NSRP1: variants seen among roughly 807,000 people sequenced by gnomAD.
The protein encoded by NSRP1 is nuclear speckle splicing regulatory protein 1, also known as coiled-coil domain containing 55.
A neutral mutation model predicts 54.7 loss-of-function variants in NSRP1; 24 were observed. The ratio of observed to expected loss-of-function variants is 0.44; its 90% CI spans 0.32 to 0.62. NSRP1 has a LOEUF of 0.62. NSRP1 is among the 20% of genes least tolerant of loss of function. The pLI is 0.06. For missense variants in NSRP1, 596 were observed against 651.2 expected, an observed-to-expected ratio of 0.92 and a Z score of 0.92; for synonymous variants, 210 against 213.8, an observed-to-expected ratio of 0.98 and a Z score of 0.15.
chr17:30,117,020 C>T, intron 1 of NSRP1, 157 bp downstream of exon 1: 1 of 951,818 alleles, frequency 1.1e-6, no homozygotes, highest in Admixed American at 2.0e-5. Context: ...ATAGATTCCC[C>T]TCCCCCGTAC....
chr17:30,148,218 A>AT (rs1205198436), intron 2 of NSRP1, among the ~76,000 whole-genome samples: 2 of 152,186 alleles, frequency 1.3e-5, no homozygotes, highest in East Asian at 3.8e-4. Context: ...GGTTTATTAG[A>AT]TTGATACATT....
intron 3 of NSRP1, among the ~76,000 whole-genome samples, chr17:30,177,580 CT>C (rs972854958): frequency 6.6e-6 from 1 of 152,030 alleles, no homozygotes; most frequent in African/African-American, 2.4e-5. Flanking sequence ...AAGGCAGAGA[CT>C]TTATGTTTAA....
At chr17:30,171,972 A>ACACACACACTCC (rs1169988659) in intron 2 of NSRP1, among the ~76,000 whole-genome samples, 1 of 46,588 alleles carries the variant, frequency 2.1e-5, no homozygotes, top group African/African-American at 6.2e-5. Flanking sequence ...ACACACACAC[A>ACACACACACTCC]CTCCCTCTCT....
intron 2 of NSRP1, 70 bp from the exon 3 acceptor site, chr17:30,172,472 A>G (rs1245471510): frequency 5.0e-6 from 6 of 1,206,398 alleles, no homozygotes; most frequent in Non-Finnish European, 7.0e-6. Context: ...TATTTTAGAT[A>G]GGGGACGCTC....
intron 2 of NSRP1, among the ~76,000 whole-genome samples, chr17:30,124,882 A>G (rs148753719): frequency 3.3e-5 from 5 of 152,316 alleles, no homozygotes; most frequent in African/African-American, 1.2e-4. Flanking sequence ...CTGAGAAGTA[A>G]ATTTATTGAG....
At chr17:30,119,450 A>T (rs1307347640) in intron 2 of NSRP1, among the ~76,000 whole-genome samples, 1 of 151,928 alleles carries the variant, frequency 6.6e-6, no homozygotes, top group Non-Finnish European at 1.5e-5. Context: ...ACCTCAGGTG[A>T]TCCACTTGCC....
At position 30,185,611 on chromosome 17, in the gene NSRP1, G is replaced by A. The variant is rs1905505891; in HGVS notation, c.1614G>A (p.Arg538=). 3 of 1,613,338 alleles carry A rather than the reference G, an allele frequency of 1.9e-6. No homozygotes were observed. Among genetic ancestry groups the A allele is most frequent in the Middle Eastern group, 1.7e-4 (1 of 6,060 alleles). Residue 538 remains arginine (R), a synonymous_variant, in exon 7 of 7, where the codon AGG becomes AGA. Coordinates refer to ENST00000247026, the MANE Select transcript of NSRP1 (RefSeq NM_032141.4). ...AAACTGTAATGTCAGCTAGAGACAGGTACTTGGCCAGGCAGATGGCGCGGG... is the reference window on the plus strand; with the variant it reads ...AAACTGTAATGTCAGCTAGAGACAGATACTTGGCCAGGCAGATGGCGCGGG... ...NEETVMSARD[R]YLARQMARVN...
At chr17:30,182,709 C>T (rs919845455) in intron 6 of NSRP1, among the ~76,000 whole-genome samples, 1 of 151,180 alleles carries the variant, frequency 6.6e-6, no homozygotes, top group Non-Finnish European at 1.5e-5. Flanking sequence ...CCAAGGCGGG[C>T]GGATTGCGAG....
chr17:30,147,470 T>G (rs2071867052), intron 2 of NSRP1, among the ~76,000 whole-genome samples: 1 of 150,324 alleles, frequency 6.7e-6, no homozygotes, highest in African/African-American at 2.5e-5. Context: ...GTTTGTTTTG[T>G]TTTGTTTTGT....
chr17:30,119,983 T>C (rs868184929), intron 2 of NSRP1, among the ~76,000 whole-genome samples: 2 of 152,214 alleles, frequency 1.3e-5, no homozygotes, highest in African/African-American at 4.8e-5. Flanking sequence ...CAAATGTATA[T>C]GCCCCAATCA....
At chr17:30,136,948 T>G (rs1487881378) in intron 2 of NSRP1, among the ~76,000 whole-genome samples, 1 of 152,184 alleles carries the variant, frequency 6.6e-6, no homozygotes, top group Non-Finnish European at 1.5e-5. Flanking sequence ...CTTGCTAAAC[T>G]CTTCTATTAC....
intron 2 of NSRP1, among the ~76,000 whole-genome samples, chr17:30,123,545 A>G (rs2071623141): frequency 6.6e-6 from 1 of 152,188 alleles, no homozygotes; most frequent in Non-Finnish European, 1.5e-5. Context: ...TCTTGAAAAT[A>G]TCCTTCGAAG....
intron 2 of NSRP1, chr17:30,122,423 T>A (rs1597592023): frequency 1.2e-5 from 1 of 84,610 alleles, no homozygotes; most frequent in Non-Finnish European, 2.3e-5. Context: ...TTTTTTTTTT[T>A]GAGACGGAGT....
At chr17:30,173,815 A>T (rs1905036658) in intron 3 of NSRP1, among the ~76,000 whole-genome samples, 1 of 152,254 alleles carries the variant, frequency 6.6e-6, no homozygotes, top group Admixed American at 6.5e-5. Flanking sequence ...CTAGACAGTG[A>T]AACCTCAGAA....
chr17:30,148,482 A>G (rs1230588923), intron 2 of NSRP1, among the ~76,000 whole-genome samples: 1 of 152,214 alleles, frequency 6.6e-6, no homozygotes, highest in Non-Finnish European at 1.5e-5. Flanking sequence ...TACTGACAGG[A>G]GAAGACATGC....
Position 30,172,565 on chromosome 17 carries a change from G to C in NSRP1, c.138G>C (p.Gln46His), listed in dbSNP as rs1904991867. 2 of 1,610,430 alleles carry C rather than the reference G, an allele frequency of 1.2e-6. No individual in the cohort carries two copies. The highest frequency in any genetic ancestry group is 2.7e-5 in the African/African-American group (2 of 74,830). The change falls in exon 3 of 7, where the codon CAG becomes CAC. Residue 46 changes from glutamine to histidine, a missense_variant. Physicochemically the swap from Gln to His is conservative, Grantham distance 24 (BLOSUM62 0). Transcript: ENST00000247026. The part of the protein sequence containing the change: ...DDETSVSESL[Q>H]REAAKKQAMK... The stretch of plus-strand genomic sequence containing the variant: ...AGACCTCTGTGAGTGAAAGCCTTCA[G>C]AGGGAAGCTGCTAAGAAGCAGGCCA...
chr17:30,117,294 C>T (rs1397139714), intron 1 of NSRP1: 1 of 580,898 alleles, frequency 1.7e-6, no homozygotes, highest in South Asian at 2.2e-5. Flanking sequence ...CCTTCCTTCT[C>T]GTTTTAGGAA....
chr17:30,118,494 A>C (rs2071564610), intron 2 of NSRP1, among the ~76,000 whole-genome samples: 1 of 152,226 alleles, frequency 6.6e-6, no homozygotes, highest in Admixed American at 6.5e-5. Flanking sequence ...AATTTTTATT[A>C]GCAAAGCAGT....
At chr17:30,157,708 C>G (rs952873858) in intron 2 of NSRP1, among the ~76,000 whole-genome samples, 6 of 152,104 alleles carry the variant, frequency 3.9e-5, no homozygotes, top group Admixed American at 2.0e-4. Context: ...GTTCTATACT[C>G]TATGTCCATG....
Sources: allele counts gnomAD v4.1 joint callset (sites outside exome capture counted in the v4.1 genomes callset), GRCh38; gene constraint gnomAD v4.1.1; transcripts MANE v1.5; gene names NCBI Gene and HGNC (gene_info 2026-07-23, HGNC 2026-07-21).